Variants in TESC observed in about 807,000 individuals in gnomAD.
The protein encoded by TESC is tescalcin.
A neutral mutation model predicts 31.0 loss-of-function variants in TESC; 19 were observed. The observed-to-expected ratio is 0.61, with a 90% CI of 0.43 to 0.90. The LOEUF (loss-of-function observed/expected upper bound fraction) is 0.90, where lower values mean the gene tolerates loss of function less well. TESC is among the 40% of genes least tolerant of loss of function. The pLI, the probability that TESC is intolerant of heterozygous loss-of-function variation, is 0.00. For missense variants in TESC, 248 were observed against 303.8 expected, an observed-to-expected ratio of 0.82 and a Z score of 1.36; for synonymous variants, 109 against 114.8, an observed-to-expected ratio of 0.95 and a Z score of 0.32.
At chr12:117,042,644 C>T (rs985349391) in intron 6 of TESC, among the ~76,000 whole-genome samples, 13 of 152,244 alleles carry the variant, frequency 8.5e-5, no homozygotes, top group Non-Finnish European at 1.3e-4. Context: ...CAGTCTCCAT[C>T]GCCTCTGCGT....
chr12:117,067,724 G>T (rs892336772), intron 2 of TESC, among the ~76,000 whole-genome samples: 14 of 152,232 alleles, frequency 9.2e-5, no homozygotes, highest in African/African-American at 3.4e-4. Context: ...TTTGAACTGA[G>T]GACCTACTGT....
chr12:117,095,114 G>A (rs962625437), intron 1 of TESC, among the ~76,000 whole-genome samples: 5 of 151,402 alleles, frequency 3.3e-5, no homozygotes, highest in African/African-American at 2.4e-5. Context: ...TCACTCTGTC[G>A]CCCAGGCTGG....
chr12:117,062,048 C>T (rs932824898), intron 2 of TESC, among the ~76,000 whole-genome samples: 3 of 152,172 alleles, frequency 2.0e-5, no homozygotes, highest in East Asian at 1.9e-4. Flanking sequence ...ACAGTAATAA[C>T]GGCAGCAGCA....
At chr12:117,084,342 G>T (rs1247777001) in intron 1 of TESC, among the ~76,000 whole-genome samples, 2 of 152,094 alleles carry the variant, frequency 1.3e-5, no homozygotes, top group African/African-American at 4.8e-5. Flanking sequence ...TGAGAGAAGG[G>T]GCCCGTGCAG....
rs1029964109 is a variant in TESC at position 117,046,087 on chromosome 12, C to T, written c.519+472G>A. On this transcript the variant is annotated intron_variant, in intron 6 of 7. Transcript: ENST00000335209. The stretch of plus-strand genomic sequence containing the variant: ...GTCATTTACACACCAGCCCCCACCT[C>T]GGCTCCTCCACCGGACTCCATGCCA... Among the ~76,000 whole-genome samples the T allele has an allele frequency of 2.0e-4, 31 of 152,302 alleles. No individual in the cohort carries two copies. The East Asian group carries it at 6.0e-3, about 29-fold the overall frequency.
chr12:117,043,748 G>C (rs1954518368), intron 6 of TESC, among the ~76,000 whole-genome samples: 1 of 152,176 alleles, frequency 6.6e-6, no homozygotes, highest in Admixed American at 6.5e-5. Flanking sequence ...TTACAGGTGT[G>C]ACCAAATGCT....
chr12:117,055,927 T>C (rs1954716538), intron 3 of TESC, among the ~76,000 whole-genome samples: 2 of 151,186 alleles, frequency 1.3e-5, no homozygotes, highest in South Asian at 4.2e-4. Flanking sequence ...TTTTTTTTTT[T>C]TTTTCTTCTG....
chr12:117,088,697 T>C (rs972893539), intron 1 of TESC, among the ~76,000 whole-genome samples: 6 of 120,114 alleles, frequency 5.0e-5, no homozygotes, highest in African/African-American at 7.1e-5. Context: ...AAAAAAAAAA[T>C]GTACAAGGCT....
intron 2 of TESC, among the ~76,000 whole-genome samples, chr12:117,063,010 A>T (rs1396088783): frequency 6.6e-6 from 1 of 152,194 alleles, no homozygotes; most frequent in Non-Finnish European, 1.5e-5. Context: ...CTCCTGCGGG[A>T]GAGCTTGAGC....
intron 1 of TESC, among the ~76,000 whole-genome samples, chr12:117,094,086 G>A (rs1344079410): frequency 2.0e-5 from 3 of 152,170 alleles, no homozygotes; most frequent in Non-Finnish European, 4.4e-5. Flanking sequence ...CTGTCACCAC[G>A]GGTGCGTGGG....
At chr12:117,068,291 A>G (rs1319755454) in intron 2 of TESC, among the ~76,000 whole-genome samples, 1 of 150,424 alleles carries the variant, frequency 6.6e-6, no homozygotes, top group Non-Finnish European at 1.5e-5. Flanking sequence ...GCACTTTGGG[A>G]GGCCGAGGCG....
chr12:117,057,130 C>T (rs971668204), intron 2 of TESC, among the ~76,000 whole-genome samples: 4 of 152,200 alleles, frequency 2.6e-5, no homozygotes, highest in Non-Finnish European at 4.4e-5. Flanking sequence ...GAGATAGAGT[C>T]TCACTGTCAC....
In TESC at chr12:117,099,396, A is replaced by C. The variant is rs933168234; in HGVS notation, c.-114T>G. On this transcript the variant is annotated 5_prime_UTR_variant, in exon 1 of 8. Coordinates refer to ENST00000335209, the MANE Select transcript of TESC (RefSeq NM_017899.4). The stretch of plus-strand genomic sequence containing the variant: ...CGGCCTCGGGTCGGGACGCCGGCGA[A>C]GGCTCGGAGCCGCGGGTTCCGCGTG... The C allele has an allele frequency of 1.4e-5, 15 of 1,093,852 alleles. No individual in the cohort carries two copies. Among genetic ancestry groups the C allele is most frequent in the African/African-American group, 1.7e-5 (1 of 60,314 alleles). The allele number at this position is 1,093,852 out of a possible 1,614,324, so 67.8% of individuals were successfully genotyped here.
chr12:117,097,340 T>C (rs1398664112), intron 1 of TESC, among the ~76,000 whole-genome samples: 2 of 152,152 alleles, frequency 1.3e-5, no homozygotes, highest in African/African-American at 4.8e-5. Flanking sequence ...ACAGCATCTG[T>C]CATCCCAGTG....
At chr12:117,042,263 G>A (rs533283040) in intron 6 of TESC, among the ~76,000 whole-genome samples, 1 of 152,280 alleles carries the variant, frequency 6.6e-6, no homozygotes, top group Admixed American at 6.5e-5. Flanking sequence ...GCAACGTGTG[G>A]CTCAGAGCAG....
chr12:117,045,702 G>A (rs1041702307), intron 6 of TESC, among the ~76,000 whole-genome samples: 1 of 152,232 alleles, frequency 6.6e-6, no homozygotes, highest in East Asian at 1.9e-4. Flanking sequence ...CAGCATGAAC[G>A]CCCCTCCACT....
intron 2 of TESC, among the ~76,000 whole-genome samples, chr12:117,066,618 G>T (rs1954888139): frequency 6.6e-6 from 1 of 152,074 alleles, no homozygotes; most frequent in African/African-American, 2.4e-5. Flanking sequence ...GCCCGCCTCA[G>T]CCTCCCAAAG....
intron 7 of TESC, among the ~76,000 whole-genome samples, chr12:117,040,585 G>A (rs537690592): frequency 2.9e-4 from 44 of 151,360 alleles, no homozygotes; most frequent in South Asian, 8.3e-4. Context: ...TTGCTCTGGC[G>A]GGCGTCACCT....
At chr12:117,052,939 C>T (rs1275554517) in intron 3 of TESC, among the ~76,000 whole-genome samples, 1 of 130,532 alleles carries the variant, frequency 7.7e-6, no homozygotes, top group African/African-American at 3.3e-5. Context: ...CCTCCTGGGG[C>T]CTCCCCAGTT....
Sources: allele counts gnomAD v4.1 joint callset (sites outside exome capture counted in the v4.1 genomes callset), GRCh38; gene constraint gnomAD v4.1.1; transcripts MANE v1.5; gene names NCBI Gene and HGNC (gene_info 2026-07-23, HGNC 2026-07-21).